Variants in ABI1 observed in about 807,000 individuals in gnomAD.
The protein encoded by ABI1 is abl interactor 1.
Under a neutral mutation model 54.6 loss-of-function variants are expected in ABI1, and 14 were observed. The observed-to-expected ratio is 0.26, with a 90% CI of 0.17 to 0.40. The LOEUF (loss-of-function observed/expected upper bound fraction) is 0.40. Ranked by LOEUF, ABI1 falls within the 10% of genes least tolerant of loss-of-function variation. ABI1 has a pLI of 1.00. For synonymous variants in ABI1, 194 were observed against 209.3 expected (o/e 0.93, Z 0.63); for missense variants, 443 against 598.3 (o/e 0.74, Z 2.71).
At chr10:26,789,913 G>A (rs1203963855) in intron 2 of ABI1, among the ~76,000 whole-genome samples, 1 of 152,160 alleles carries the variant, frequency 6.6e-6, no homozygotes, top group Non-Finnish European at 1.5e-5. Context: ...ACTTTGCTAA[G>A]GATAATGGCC....
intron 1 of ABI1, among the ~76,000 whole-genome samples, chr10:26,839,226 G>A (rs996459183): frequency 6.6e-6 from 1 of 152,192 alleles, no homozygotes. Context: ...GCCAGGTATG[G>A]TGGCTGACAC....
chr10:26,788,388 T>A (rs972584638), intron 2 of ABI1, among the ~76,000 whole-genome samples: 1 of 152,198 alleles, frequency 6.6e-6, no homozygotes, highest in Admixed American at 6.5e-5. Flanking sequence ...CATTGCTTGA[T>A]ACAAAAAAGT....
intron 1 of ABI1, among the ~76,000 whole-genome samples, chr10:26,827,227 T>G (rs1474613982): frequency 1.4e-5 from 2 of 144,324 alleles, no homozygotes; most frequent in African/African-American, 5.2e-5. Flanking sequence ...TTGACCTTCT[T>G]TTTTTTTATC....
intron 8 of ABI1, 21 bp from the exon 9 acceptor site, chr10:26,755,762 T>C (rs1274356419): frequency 6.5e-7 from 1 of 1,529,346 alleles, no homozygotes; most frequent in African/African-American, 1.4e-5. Context: ...CAACACAGTA[T>C]GGGGGAAGTA....
At chr10:26,766,803 T>C (rs1466552133) in intron 6 of ABI1, among the ~76,000 whole-genome samples, 1 of 152,220 alleles carries the variant, frequency 6.6e-6, no homozygotes, top group Non-Finnish European at 1.5e-5. Context: ...TTTTTTATAT[T>C]TTTTAATAGT....
intron 10 of ABI1, 43 bp from the exon 11 acceptor site, chr10:26,748,788 C>A: frequency 1.4e-6 from 2 of 1,385,858 alleles, no homozygotes; most frequent in South Asian, 1.3e-5. Flanking sequence ...TGCACTATAT[C>A]CAAAATTTAC....
At chr10:26,806,458 T>C (rs1304886557) in intron 2 of ABI1, among the ~76,000 whole-genome samples, 1 of 152,186 alleles carries the variant, frequency 6.6e-6, no homozygotes, top group Non-Finnish European at 1.5e-5. Flanking sequence ...AAACAACAGC[T>C]GGACTCCAAG....
chr10:26,796,806 C>T (rs1385818845), intron 2 of ABI1, among the ~76,000 whole-genome samples: 1 of 152,180 alleles, frequency 6.6e-6, no homozygotes, highest in East Asian at 1.9e-4. Context: ...GACAATTTTC[C>T]ACGCACTGGG....
chr10:26,828,996 G>A (rs1589006247), intron 1 of ABI1, among the ~76,000 whole-genome samples: 2 of 152,298 alleles, frequency 1.3e-5, no homozygotes, highest in African/African-American at 4.8e-5. Context: ...GGAGGCCAAG[G>A]CGGGCGGATC....
intron 1 of ABI1, among the ~76,000 whole-genome samples, chr10:26,843,485 A>AAAAAAAG (rs1554832672): frequency 5.9e-5 from 2 of 34,160 alleles, no homozygotes; most frequent in Non-Finnish European, 5.1e-5. Flanking sequence ...AAAAAAAAAA[A>AAAAAAAG]ATATATATAT....
chr10:26,750,431 T>C (rs895608099), intron 10 of ABI1, among the ~76,000 whole-genome samples: 3 of 152,132 alleles, frequency 2.0e-5, no homozygotes, highest in Non-Finnish European at 4.4e-5. Flanking sequence ...GAGGCGGAAG[T>C]TGCAGTGAGC....
At chr10:26,783,168 C>A (rs1842340247) in intron 2 of ABI1, among the ~76,000 whole-genome samples, 1 of 152,080 alleles carries the variant, frequency 6.6e-6, no homozygotes, top group Admixed American at 6.6e-5. Context: ...ATGGATGAAC[C>A]TTGAGGACAT....
At chr10:26,762,014 G>A (rs1270147971) in intron 7 of ABI1, among the ~76,000 whole-genome samples, 2 of 151,848 alleles carry the variant, frequency 1.3e-5, no homozygotes, top group Middle Eastern at 3.4e-3. Flanking sequence ...TTGAAGCCTT[G>A]TGTTTTGTTT....
intron 1 of ABI1, chr10:26,839,824 A>T (rs2049360280): frequency 1.0e-5 from 7 of 698,416 alleles, no homozygotes; most frequent in Non-Finnish European, 1.8e-5. Context: ...TAAAGTTTGC[A>T]CTTTAAAGAT....
intron 6 of ABI1, among the ~76,000 whole-genome samples, chr10:26,765,849 A>G (rs1041023920): frequency 6.6e-6 from 1 of 152,166 alleles, no homozygotes; most frequent in African/African-American, 2.4e-5. Flanking sequence ...AACCAATATA[A>G]TGATAACACA....
intron 1 of ABI1, among the ~76,000 whole-genome samples, chr10:26,837,240 GT>G (rs1453933084): frequency 6.6e-6 from 1 of 152,174 alleles, no homozygotes; most frequent in Non-Finnish European, 1.5e-5. Flanking sequence ...GTTCCAGTAG[GT>G]TCTGGTTCTA....
intron 2 of ABI1, among the ~76,000 whole-genome samples, chr10:26,798,464 G>T (rs1213261694): frequency 6.6e-6 from 1 of 151,990 alleles, no homozygotes; most frequent in Non-Finnish European, 1.5e-5. Flanking sequence ...AAGTGCAGGT[G>T]GCCTCTAGAA....
intron 2 of ABI1, 103 bp from the exon 3 acceptor site, chr10:26,777,344 C>T: frequency 2.6e-6 from 2 of 765,714 alleles, no homozygotes; most frequent in African/African-American, 1.8e-5. Flanking sequence ...GGGCTGTACA[C>T]CATATGTCTA....
At chr10:26,831,278 C>T (rs2048654596) in intron 1 of ABI1, among the ~76,000 whole-genome samples, 1 of 151,898 alleles carries the variant, frequency 6.6e-6, no homozygotes, top group Admixed American at 6.6e-5. Context: ...CATGGTGGTT[C>T]ACATCTGTAA....
Sources: allele counts gnomAD v4.1 joint callset (sites outside exome capture counted in the v4.1 genomes callset), GRCh38; gene constraint gnomAD v4.1.1; transcripts MANE v1.5; gene names NCBI Gene and HGNC (gene_info 2026-07-23, HGNC 2026-07-21).